Variants in MDFIC2 observed in about 807,000 individuals in gnomAD.
MDFIC2 encodes the protein myoD family inhibitor domain-containing protein 2.
intron 2 of MDFIC2, among the ~76,000 whole-genome samples, chr3:70,270,210 G>A (rs1366420070): frequency 6.6e-6 from 1 of 152,174 alleles, no homozygotes; most frequent in Non-Finnish European, 1.5e-5. Flanking sequence ...AGTGGTGGAA[G>A]TCTCAATGAC....
At chr3:70,275,452 C>G (rs927627681) in intron 2 of MDFIC2, among the ~76,000 whole-genome samples, 6 of 152,124 alleles carry the variant, frequency 3.9e-5, no homozygotes, top group East Asian at 3.9e-4. Flanking sequence ...GAGGTCAAGG[C>G]TGCACTGAGC....
At chr3:70,295,212 A>AGAAGAATG (rs1702277838) in intron 2 of MDFIC2, among the ~76,000 whole-genome samples, 1 of 152,182 alleles carries the variant, frequency 6.6e-6, no homozygotes, top group Non-Finnish European at 1.5e-5. Context: ...AGATTGCTTA[A>AGAAGAATG]GAAGAATGGA....
At chr3:70,267,376 C>G (rs891478514) in intron 2 of MDFIC2, among the ~76,000 whole-genome samples, 9 of 141,776 alleles carry the variant, frequency 6.3e-5, no homozygotes, top group Non-Finnish European at 1.1e-4. Flanking sequence ...CTCTCTTGTA[C>G]AGATTCTTTT....
chr3:70,202,706 C>T (rs573554577), intron 3 of MDFIC2, among the ~76,000 whole-genome samples: 3 of 152,260 alleles, frequency 2.0e-5, no homozygotes, highest in African/African-American at 7.2e-5. Flanking sequence ...CCCCTTTGGG[C>T]TTCATTTCCT....
intron 2 of MDFIC2, among the ~76,000 whole-genome samples, chr3:70,283,327 A>T (rs907766593): frequency 2.0e-5 from 3 of 152,028 alleles, no homozygotes; most frequent in African/African-American, 7.2e-5. Context: ...CAGATAGTAA[A>T]TGCTCAATAG....
intron 2 of MDFIC2, among the ~76,000 whole-genome samples, chr3:70,238,848 G>A (rs1364284019): frequency 6.6e-6 from 1 of 151,992 alleles, no homozygotes; most frequent in East Asian, 1.9e-4. Flanking sequence ...GAGACTCACA[G>A]AATTGCATAG....
intron 2 of MDFIC2, among the ~76,000 whole-genome samples, chr3:70,281,582 A>T (rs559635847): frequency 6.6e-6 from 1 of 152,152 alleles, no homozygotes; most frequent in Admixed American, 6.6e-5. Context: ...CAAACAAACA[A>T]ATTGCTCTAG....
intron 2 of MDFIC2, among the ~76,000 whole-genome samples, chr3:70,274,854 A>G (rs1233971614): frequency 2.0e-5 from 3 of 152,226 alleles, no homozygotes; most frequent in Non-Finnish European, 4.4e-5. Context: ...ATGTAACTAA[A>G]ACCCAAATGT....
chr3:70,204,523 C>T (rs147057438), intron 3 of MDFIC2: 6 of 152,172 alleles, frequency 3.9e-5, no homozygotes, highest in East Asian at 3.9e-4. Flanking sequence ...ATTTTTCACA[C>T]GGGAGGAAAA....
At chr3:70,290,350 G>T (rs958199205) in intron 2 of MDFIC2, among the ~76,000 whole-genome samples, 4 of 152,182 alleles carry the variant, frequency 2.6e-5, no homozygotes, top group Admixed American at 2.0e-4. Context: ...CTGTTGGGGG[G>T]TGCCTCCCAG....
At chr3:70,238,882 T>C (rs755380777) in intron 2 of MDFIC2, among the ~76,000 whole-genome samples, 11 of 152,202 alleles carry the variant, frequency 7.2e-5, no homozygotes, top group South Asian at 2.1e-4. Flanking sequence ...TTTTATATAT[T>C]TCTTCTGACT....
At chr3:70,255,361 G>A (rs760083337) in intron 2 of MDFIC2, among the ~76,000 whole-genome samples, 1 of 152,178 alleles carries the variant, frequency 6.6e-6, no homozygotes. Context: ...AGGCTTGGCT[G>A]TTCTTGACAT....
At chr3:70,248,779 G>A (rs1488241164) in intron 2 of MDFIC2, among the ~76,000 whole-genome samples, 1 of 152,070 alleles carries the variant, frequency 6.6e-6, no homozygotes, top group Admixed American at 6.6e-5. Flanking sequence ...GATTAACCTG[G>A]TTAATATAAA....
intron 2 of MDFIC2, among the ~76,000 whole-genome samples, chr3:70,293,409 T>G (rs1449907326): frequency 6.6e-6 from 1 of 152,172 alleles, no homozygotes; most frequent in Non-Finnish European, 1.5e-5. Flanking sequence ...AAGGATACTT[T>G]GTAATATCAG....
chr3:70,226,553 C>A (rs897335934), intron 2 of MDFIC2, among the ~76,000 whole-genome samples: 1 of 151,930 alleles, frequency 6.6e-6, no homozygotes. Context: ...GCCTTGCCAA[C>A]ATGGTGAAAT....
chr3:70,235,477 A>C (rs79237735), intron 2 of MDFIC2, among the ~76,000 whole-genome samples: 1,975 of 152,322 alleles, frequency 0.013, 44 homozygotes, highest in African/African-American at 0.045. Context: ...CTTAATAAAT[A>C]ATTGTTGAAT....
intron 2 of MDFIC2, among the ~76,000 whole-genome samples, chr3:70,232,851 G>T (rs908037319): frequency 7.2e-5 from 11 of 151,988 alleles, no homozygotes; most frequent in Admixed American, 4.6e-4. Flanking sequence ...CAGAAAGAAG[G>T]AAAAAAATCT....
intron 2 of MDFIC2, among the ~76,000 whole-genome samples, chr3:70,240,074 A>C (rs530264951): frequency 6.6e-6 from 1 of 152,220 alleles, no homozygotes; most frequent in East Asian, 1.9e-4. Context: ...ATCAGTATGG[A>C]TTTTACACAG....
chr3:70,222,293 T>C (rs1362031710), intron 2 of MDFIC2, among the ~76,000 whole-genome samples: 3 of 152,232 alleles, frequency 2.0e-5, no homozygotes, highest in African/African-American at 7.2e-5. Flanking sequence ...CTTCAGGTCC[T>C]CTACTTTGGA....
Sources: allele counts gnomAD v4.1 joint callset (sites outside exome capture counted in the v4.1 genomes callset), GRCh38; gene constraint gnomAD v4.1.1; transcripts MANE v1.5; gene names NCBI Gene and HGNC (gene_info 2026-07-23, HGNC 2026-07-21).